Variants in PPP1R12A observed in about 807,000 individuals in gnomAD.
PPP1R12A encodes the protein protein phosphatase 1 regulatory subunit 12A.
PPP1R12A carries 19 observed loss-of-function variants against 139.6 expected under a neutral mutation model. The observed-to-expected ratio is 0.14, with a 90% CI of 0.09 to 0.20. The LOEUF (loss-of-function observed/expected upper bound fraction) is 0.20, where lower values mean the gene tolerates loss of function less well. Among genes scored for constraint, PPP1R12A ranks in the 10% least tolerant of loss-of-function variants. The pLI, the probability that PPP1R12A is intolerant of heterozygous loss-of-function variation, is 1.00. For missense variants in PPP1R12A, 925 were observed against 1,211.5 expected (o/e 0.76, Z 3.51); for synonymous variants, 427 against 420.6 (o/e 1.02, Z -0.19).
intron 21 of PPP1R12A, chr12:79,788,197 A>T (rs1180792622): frequency 6.5e-6 from 1 of 152,972 alleles, no homozygotes; most frequent in Non-Finnish European, 1.5e-5. Context: ...GTTTACTATA[A>T]GCACAAAATA....
At chr12:79,855,591 G>C (rs111624400) in intron 2 of PPP1R12A, among the ~76,000 whole-genome samples, 88 of 152,082 alleles carry the variant, frequency 5.8e-4, no homozygotes, top group African/African-American at 2.1e-3. Context: ...ATTTCCACCA[G>C]CAGAAGAAAA....
intron 1 of PPP1R12A, among the ~76,000 whole-genome samples, chr12:79,902,887 T>A (rs1055045956): frequency 1.3e-5 from 2 of 152,070 alleles, no homozygotes; most frequent in Admixed American, 6.6e-5. Flanking sequence ...AACATATAAT[T>A]TATACAGGAT....
At chr12:79,824,467 A>G (rs1876518775) in intron 5 of PPP1R12A, among the ~76,000 whole-genome samples, 1 of 152,188 alleles carries the variant, frequency 6.6e-6, no homozygotes. Flanking sequence ...CTCTTTAAGA[A>G]TAAGAAATTG....
At chr12:79,860,058 A>G (rs1881146054) in intron 2 of PPP1R12A, among the ~76,000 whole-genome samples, 1 of 152,236 alleles carries the variant, frequency 6.6e-6, no homozygotes, top group African/African-American at 2.4e-5. Flanking sequence ...GAAGCCATAT[A>G]ATGCTAGGCT....
intron 1 of PPP1R12A, among the ~76,000 whole-genome samples, chr12:79,929,813 T>C (rs1361570823): frequency 1.3e-5 from 2 of 151,888 alleles, no homozygotes; most frequent in Non-Finnish European, 2.9e-5. Context: ...TATTAAAATA[T>C]ATTGAAATCT....
At chr12:79,840,393 T>G (rs984932467) in intron 3 of PPP1R12A, among the ~76,000 whole-genome samples, 5 of 152,158 alleles carry the variant, frequency 3.3e-5, no homozygotes, top group African/African-American at 4.8e-5. Flanking sequence ...TTCCCAGAAC[T>G]CCCCCTCCTT....
intron 1 of PPP1R12A, among the ~76,000 whole-genome samples, chr12:79,929,929 T>C (rs1453908322): frequency 1.3e-5 from 2 of 152,016 alleles, no homozygotes; most frequent in Non-Finnish European, 2.9e-5. Flanking sequence ...TCTCACAACA[T>C]AAAAATAACT....
chr12:79,781,397 C>T (rs1039826389), intron 23 of PPP1R12A, among the ~76,000 whole-genome samples: 1 of 151,566 alleles, frequency 6.6e-6, no homozygotes, highest in Non-Finnish European at 1.5e-5. Context: ...TTTGATGTTC[C>T]AGATTTAGAA....
At chr12:79,816,444 T>C (rs1351805039) in intron 9 of PPP1R12A, among the ~76,000 whole-genome samples, 1 of 151,100 alleles carries the variant, frequency 6.6e-6, no homozygotes, top group Non-Finnish European at 1.5e-5. Context: ...GAGAGGGAAA[T>C]GATAAAAAAA....
intron 21 of PPP1R12A, chr12:79,787,056 C>G (rs1231100904): frequency 6.6e-6 from 1 of 152,254 alleles, no homozygotes; most frequent in East Asian, 1.9e-4. Context: ...TTTACTACTT[C>G]CACCATAATT....
chr12:79,865,234 C>T (rs1381242764), intron 2 of PPP1R12A, among the ~76,000 whole-genome samples: 1 of 152,168 alleles, frequency 6.6e-6, no homozygotes, highest in African/African-American at 2.4e-5. Flanking sequence ...ATTATCTCAA[C>T]AGATGCAGAA....
chr12:79,859,028 T>C (rs1484625675), intron 2 of PPP1R12A, among the ~76,000 whole-genome samples: 1 of 151,634 alleles, frequency 6.6e-6, no homozygotes, highest in East Asian at 1.9e-4. Context: ...AAAAAATAGG[T>C]GTGGGAAAGA....
intron 2 of PPP1R12A, among the ~76,000 whole-genome samples, 199 bp from the exon 3 acceptor site, chr12:79,845,619 G>A (rs1275111822): frequency 1.3e-5 from 2 of 152,078 alleles, no homozygotes; most frequent in African/African-American, 2.4e-5. Flanking sequence ...CAAGGCAGGC[G>A]GATCACGAGG....
chr12:79,807,214 T>C lies in PPP1R12A; in HGVS notation c.1655+12A>G, dbSNP rs964749912. The C allele has an allele frequency of 9.1e-6, 13 of 1,426,426 alleles. No homozygotes were observed. Among genetic ancestry groups the C allele is most frequent in the African/African-American group, 1.4e-5 (1 of 69,766 alleles). 88.4% of individuals were successfully genotyped at this position (1,426,426 alleles called of 1,614,324 possible). On this transcript the variant is annotated intron_variant, in intron 12 of 24. Transcript: ENST00000450142. ...TGAATACATAAAAACCGCTTAAGAA[T>C]AGTATTATTACCTTTTATGATACGT...
chr12:79,817,321 T>G, intron 9 of PPP1R12A, 73 bp downstream of exon 9: 1 of 1,372,560 alleles, frequency 7.3e-7, no homozygotes, highest in South Asian at 1.5e-5. Context: ...AATTCAGAAT[T>G]ACTTTAATGA....
intron 1 of PPP1R12A, among the ~76,000 whole-genome samples, chr12:79,873,677 G>C (rs1431851883): frequency 1.3e-5 from 2 of 151,880 alleles, no homozygotes; most frequent in Admixed American, 6.6e-5. Context: ...AAAAAGTGGT[G>C]GTTAGGGGGC....
Position 79,809,037 on chromosome 12 carries a change from T to C in PPP1R12A, c.1456-460A>G, listed in dbSNP as rs1874202505. ...AAACAAATATTATTTAAATTATATTTATCCAAATATGGCTAAGAGTGTGTA... is the reference window on the plus strand; with the variant it reads ...AAACAAATATTATTTAAATTATATTCATCCAAATATGGCTAAGAGTGTGTA... On this transcript the variant is annotated intron_variant, in intron 10 of 24. Transcript: ENST00000450142. 3.9e-5 allele frequency among the ~76,000 whole-genome samples: 6 copies of C among 152,264 alleles called. No homozygotes were observed. The South Asian group carries it at 1.2e-3, about 32-fold the overall frequency.
intron 1 of PPP1R12A, among the ~76,000 whole-genome samples, chr12:79,918,441 T>TA (rs1265782711): frequency 4.6e-5 from 7 of 152,176 alleles, no homozygotes; most frequent in African/African-American, 1.7e-4. Flanking sequence ...TCCAGTATCA[T>TA]TCTGCAATAT....
chr12:79,852,022 G>A (rs576716695), intron 2 of PPP1R12A, among the ~76,000 whole-genome samples: 19 of 151,888 alleles, frequency 1.3e-4, no homozygotes, highest in Non-Finnish European at 8.8e-5. Flanking sequence ...ATTTGTTTCA[G>A]GCATGCTCAT....
Sources: gnomAD v4.1 joint callset for allele counts (sites outside exome capture counted in the v4.1 genomes callset) on GRCh38, gnomAD v4.1.1 for gene constraint, MANE v1.5 for transcripts, NCBI Gene and HGNC (gene_info 2026-07-23, HGNC 2026-07-21) for gene names.